UNC79: variants seen among roughly 807,000 people sequenced by gnomAD.
UNC79 encodes unc-79 subunit of NALCN channel complex.
UNC79 carries 37 observed loss-of-function variants against 283.1 expected under a neutral mutation model. The observed-to-expected ratio is 0.13, with a 90% CI of 0.10 to 0.17. The LOEUF is 0.17. Among genes scored for constraint, UNC79 ranks in the 10% least tolerant of loss-of-function variants. The pLI is 1.00. For synonymous variants in UNC79, 1,107 were observed against 1,200.2 expected, an observed-to-expected ratio of 0.92 and a Z score of 1.61; for missense variants, 2,272 against 3,211.1, an observed-to-expected ratio of 0.71 and a Z score of 7.07.
At chr14:93,459,049 T>C (rs2140204208) in intron 1 of UNC79, among the ~76,000 whole-genome samples, 1 of 152,344 alleles carries the variant, frequency 6.6e-6, no homozygotes, top group African/African-American at 2.4e-5. Flanking sequence ...TGCAGTGCCG[T>C]GGCGTGATCT....
At chr14:93,602,994 CT>C (rs1430250197) in intron 25 of UNC79, among the ~76,000 whole-genome samples, 1 of 152,112 alleles carries the variant, frequency 6.6e-6, no homozygotes, top group Non-Finnish European at 1.5e-5. Context: ...GGAGAAAAGA[CT>C]TTTGTCACTC....
At chr14:93,568,506 T>G (rs1024190140) in intron 14 of UNC79, among the ~76,000 whole-genome samples, 2 of 152,078 alleles carry the variant, frequency 1.3e-5, no homozygotes, top group African/African-American at 4.8e-5. Context: ...AAACCCCATC[T>G]GTACTAAAAA....
chr14:93,603,411 C>T, exon 26 of UNC79: 1 of 1,613,546 alleles, frequency 6.2e-7, no homozygotes, highest in Non-Finnish European at 8.5e-7. Flanking sequence ...CCCTGACCTC[C>T]AAAATTCGTT....
intron 14 of UNC79, among the ~76,000 whole-genome samples, chr14:93,550,091 G>C (rs1367885403): frequency 6.6e-6 from 1 of 152,238 alleles, no homozygotes; most frequent in Non-Finnish European, 1.5e-5. Context: ...AGTTAAAAGT[G>C]AAGGCCTTGC....
intron 1 of UNC79, among the ~76,000 whole-genome samples, chr14:93,431,811 G>A (rs2055892314): frequency 6.6e-6 from 1 of 152,164 alleles, no homozygotes; most frequent in South Asian, 2.1e-4. Context: ...CTTGTGGATG[G>A]AGTAAGTTTC....
chr14:93,408,619 A>G (rs941814235), intron 1 of UNC79, among the ~76,000 whole-genome samples: 2 of 152,198 alleles, frequency 1.3e-5, no homozygotes, highest in African/African-American at 4.8e-5. Context: ...TTGAGCCCAG[A>G]AGGCCAAGGC....
chr14:93,542,564 G>A, exon 14 of UNC79: 1 of 1,614,210 alleles, frequency 6.2e-7, no homozygotes, highest in Non-Finnish European at 8.5e-7. Context: ...CGTATATGAT[G>A]GATGATGAAG....
At chr14:93,678,452 A>G (rs902271291) in intron 41 of UNC79, among the ~76,000 whole-genome samples, 2 of 152,224 alleles carry the variant, frequency 1.3e-5, no homozygotes, top group Admixed American at 6.5e-5. Flanking sequence ...ATAACAGTAG[A>G]TAGATGAGCT....
At chr14:93,440,462 GATT>G (rs1433155221) in intron 1 of UNC79, among the ~76,000 whole-genome samples, 2 of 149,038 alleles carry the variant, frequency 1.3e-5, no homozygotes, top group East Asian at 2.0e-4. Context: ...ATTAATTTCT[GATT>G]ATTTTTTCCT....
chr14:93,455,912 T>G (rs1328015840), intron 1 of UNC79, among the ~76,000 whole-genome samples: 1 of 144,128 alleles, frequency 6.9e-6, no homozygotes, highest in Admixed American at 6.9e-5. Context: ...GTACAATGGA[T>G]TGTGTGTGTG....
At chr14:93,336,835 T>A (rs953499232) in intron 1 of UNC79, among the ~76,000 whole-genome samples, 2 of 152,204 alleles carry the variant, frequency 1.3e-5, no homozygotes, top group Non-Finnish European at 2.9e-5. Flanking sequence ...ATGGTTTGGA[T>A]GTTTGTCCCC....
At chr14:93,491,756 G>C (rs2058736055) in intron 5 of UNC79, among the ~76,000 whole-genome samples, 1 of 152,172 alleles carries the variant, frequency 6.6e-6, no homozygotes, top group Non-Finnish European at 1.5e-5. Flanking sequence ...TGAATGTTGA[G>C]TTGAATGTTT....
chr14:93,597,311 G>A lies in UNC79; in HGVS notation c.3191-48G>A, dbSNP rs751137816. ...TAAATAAATGTGTATGCGTGTGCCT[G>A]TAGGTGTGTGTGTATTTACGTATTT... On this transcript the variant is annotated intron_variant, in intron 23 of 48. Transcript: ENST00000555664. 17 of 1,585,292 alleles carry A rather than the reference G, an allele frequency of 1.1e-5. 1 individual carries two copies. The South Asian group carries it at 1.8e-4, about 17-fold the overall frequency.
intron 13 of UNC79, 140 bp from the exon 14 acceptor site, chr14:93,542,326 T>A: frequency 1.3e-6 from 1 of 797,832 alleles, no homozygotes; most frequent in Non-Finnish European, 2.0e-6. Flanking sequence ...GGATAAGCGA[T>A]CCCCATTTTT....
At chr14:93,643,424 C>T (rs557183768) in intron 33 of UNC79, 133 bp from the exon 37 acceptor site, 112 of 1,249,428 alleles carry the variant, frequency 9.0e-5, no homozygotes, top group Admixed American at 1.5e-4. Context: ...CTACTGATTA[C>T]CAGAGTGGGG....
At chr14:93,673,381 G>A in exon 41 of UNC79, 1 of 1,612,916 alleles carries the variant, frequency 6.2e-7, no homozygotes, top group South Asian at 1.1e-5. Flanking sequence ...GTCTCGTAGT[G>A]TTGTTCTAGA....
chr14:93,635,627 T>TAG lies in UNC79; in HGVS notation c.5717-1574_5717-1573dup, dbSNP rs143718849. Among the ~76,000 whole-genome samples, 29 of 151,640 alleles carry TAG rather than the reference T, an allele frequency of 1.9e-4. No homozygotes were observed. In the East Asian group the frequency reaches 3.7e-3, roughly 19 times the overall value. ...TAATTTTACTTGCCCTCATTATTCT[T>TAG]AGAGAGAGAGAGAGAGTGCTAGTCT... On this transcript the variant is annotated intron_variant, in intron 31 of 48. Transcript: ENST00000555664.
chr14:93,681,517 G>A (rs1300490307), intron 41 of UNC79, among the ~76,000 whole-genome samples: 2 of 152,188 alleles, frequency 1.3e-5, no homozygotes, highest in Non-Finnish European at 2.9e-5. Context: ...GATTTACTCT[G>A]CGACCCTAGT....
rs779066922 is a variant in UNC79, at chr14:93,529,283, T to C, written c.1053-3T>C. On this transcript the variant is annotated splice_polypyrimidine_tract_variant and splice_region_variant and intron_variant, in intron 9 of 48. Coordinates refer to ENST00000555664, the Ensembl canonical transcript of UNC79. ...CAAAAATGAATTTTGTTTTTTTCAA[T>C]AGGGACCACAGTGAGTGGCTGATTG... 1.7e-5 allele frequency: 28 copies of C among 1,612,896 alleles called. No individual in the cohort carries two copies. In the South Asian group the frequency reaches 2.9e-4, roughly 16 times the overall value.
Sources: allele counts gnomAD v4.1 joint callset (sites outside exome capture counted in the v4.1 genomes callset), GRCh38; gene constraint gnomAD v4.1.1; transcripts MANE v1.5; gene names NCBI Gene and HGNC (gene_info 2026-07-23, HGNC 2026-07-21).